The following SPAG16 variants were observed in gnomAD, a reference collection of about 807,000 sequenced individuals.
The protein encoded by SPAG16 is sperm-associated antigen 16 protein.
A neutral mutation model predicts 80.4 loss-of-function variants in SPAG16; 86 were observed. The observed-to-expected ratio is 1.07, with a 90% confidence interval of 0.90 to 1.28. SPAG16 has a LOEUF of 1.28. SPAG16 is among the 50% of genes most tolerant of loss of function. SPAG16 has a pLI of 0.00. For synonymous variants in SPAG16, 294 were observed against 265.9 expected (o/e 1.11, Z -1.03); for missense variants, 870 against 765.3 (o/e 1.14, Z -1.61).
At chr2:214,343,149 T>C (rs1197425936) in intron 15 of SPAG16, among the ~76,000 whole-genome samples, 1 of 152,138 alleles carries the variant, frequency 6.6e-6, no homozygotes, top group Non-Finnish European at 1.5e-5. Flanking sequence ...AAATTTAGGG[T>C]ACTACCAAAC....
At chr2:213,697,218 G>A (rs1344933423) in intron 10 of SPAG16, among the ~76,000 whole-genome samples, 1 of 152,108 alleles carries the variant, frequency 6.6e-6, no homozygotes, top group Non-Finnish European at 1.5e-5. Context: ...GGGAAGAGTG[G>A]GTGGAAAAGA....
At chr2:213,830,166 C>T (rs866074645) in intron 10 of SPAG16, among the ~76,000 whole-genome samples, 1 of 152,134 alleles carries the variant, frequency 6.6e-6, no homozygotes, top group Non-Finnish European at 1.5e-5. Flanking sequence ...CAAGGCTTGC[C>T]GAAACTGAAG....
At chr2:213,386,908 G>A (rs2067458529) in intron 9 of SPAG16, among the ~76,000 whole-genome samples, 1 of 152,094 alleles carries the variant, frequency 6.6e-6, no homozygotes. Context: ...GGAAATAAGA[G>A]CCATTATGCA....
At chr2:213,653,316 T>C (rs2063094628) in intron 10 of SPAG16, among the ~76,000 whole-genome samples, 1 of 152,202 alleles carries the variant, frequency 6.6e-6, no homozygotes, top group African/African-American at 2.4e-5. Context: ...TTCAGTAGTC[T>C]CAATATAAGC....
intron 13 of SPAG16, among the ~76,000 whole-genome samples, chr2:214,054,000 T>C (rs952784001): frequency 6.6e-5 from 10 of 151,372 alleles, no homozygotes; most frequent in Non-Finnish European, 1.0e-4. Flanking sequence ...CCCCACTCCC[T>C]TTTTTTTTAA....
At position 213,724,692 on chromosome 2, in the gene SPAG16, T is replaced by C. The variant is rs916465829; in HGVS notation, c.1071-137793T>C. Among the ~76,000 whole-genome samples the C allele has an allele frequency of 2.1e-5, 3 of 140,710 alleles. No homozygotes were observed. The Admixed American group carries it at 2.5e-4, about 12-fold the overall frequency. 92.3% of individuals were successfully genotyped at this position (140,710 alleles called of 152,430 possible). A position where few individuals can be genotyped will look rare whatever the true frequency, so the allele number is the denominator to read the frequency against. Reference sequence around the variant, plus strand: ...ACTTGGGAGGCTGAGGCAGGAGAATTGCTTGAACTCGGCAATGGAGGTTGC... The same window carrying C: ...ACTTGGGAGGCTGAGGCAGGAGAATCGCTTGAACTCGGCAATGGAGGTTGC... On this transcript the variant is annotated intron_variant, in intron 10 of 15. Transcript: ENST00000331683.
rs548626556 is a variant in SPAG16, at chr2:213,393,509, T to C, written c.942+18390T>C. On this transcript the variant is annotated intron_variant, in intron 9 of 15. Transcript: ENST00000331683. Reference sequence around the variant, plus strand: ...TTGCTGTAGGTGGCTCTAGGTCATTTCACAATATTTACTTTTTTGTATTAT... The same window carrying C: ...TTGCTGTAGGTGGCTCTAGGTCATTCCACAATATTTACTTTTTTGTATTAT... Among the ~76,000 whole-genome samples the C allele has an allele frequency of 3.9e-5, 6 of 152,220 alleles. No individual in the cohort carries two copies. The South Asian group carries it at 1.2e-3, about 32-fold the overall frequency.
intron 10 of SPAG16, among the ~76,000 whole-genome samples, chr2:213,597,787 A>G (rs775381440): frequency 4.6e-5 from 7 of 152,178 alleles, no homozygotes; most frequent in Non-Finnish European, 7.4e-5. Context: ...AACTTCTCTG[A>G]CATATTTTAA....
intron 4 of SPAG16, among the ~76,000 whole-genome samples, chr2:213,315,625 A>G (rs1404921520): frequency 6.6e-6 from 1 of 151,766 alleles, no homozygotes; most frequent in Non-Finnish European, 1.5e-5. Context: ...GTTTGTTGCC[A>G]CTTCCTCATT....
intron 10 of SPAG16, among the ~76,000 whole-genome samples, chr2:213,744,088 A>G (rs543953977): frequency 6.6e-5 from 10 of 152,228 alleles, no homozygotes; most frequent in African/African-American, 2.4e-4. Flanking sequence ...CAGAGGATTT[A>G]CTTTTGCTAC....
intron 15 of SPAG16, among the ~76,000 whole-genome samples, chr2:214,234,607 T>C (rs1259016241): frequency 6.6e-6 from 1 of 152,172 alleles, no homozygotes; most frequent in African/African-American, 2.4e-5. Flanking sequence ...TCATATATCA[T>C]TGTAGTTTTC....
At chr2:213,930,305 T>A (rs1575581825) in intron 12 of SPAG16, among the ~76,000 whole-genome samples, 160 bp downstream of exon 12, 1 of 152,190 alleles carries the variant, frequency 6.6e-6, no homozygotes, top group African/African-American at 2.4e-5. Context: ...ATAATCTTTG[T>A]GAAATCCATT....
intron 15 of SPAG16, among the ~76,000 whole-genome samples, chr2:214,177,151 G>T: frequency 6.6e-6 from 1 of 150,706 alleles, no homozygotes; most frequent in East Asian, 1.9e-4. Flanking sequence ...CATTTTTCTT[G>T]CCAATGGATA....
chr2:213,508,592 A>T (rs2075073120), intron 10 of SPAG16, among the ~76,000 whole-genome samples: 1 of 152,206 alleles, frequency 6.6e-6, no homozygotes, highest in South Asian at 2.1e-4. Context: ...AGAAAAAAAA[A>T]AATGATGAGT....
chr2:213,919,585 A>G (rs2078117108), intron 11 of SPAG16, among the ~76,000 whole-genome samples: 1 of 152,116 alleles, frequency 6.6e-6, no homozygotes, highest in South Asian at 2.1e-4. Flanking sequence ...TTCAATTTCC[A>G]TGTAATTGTA....
intron 15 of SPAG16, among the ~76,000 whole-genome samples, chr2:214,355,336 AAC>A (rs1187074098): frequency 8.5e-5 from 11 of 129,976 alleles, no homozygotes; most frequent in Non-Finnish European, 1.7e-4. Context: ...AAAAAAAAAA[AAC>A]AACCCCATCA....
chr2:214,092,771 A>G (rs2052309157), intron 13 of SPAG16, among the ~76,000 whole-genome samples: 1 of 152,010 alleles, frequency 6.6e-6, no homozygotes, highest in East Asian at 1.9e-4. Flanking sequence ...GTTTACCAGT[A>G]GGGTCCGTGT....
chr2:213,718,127 A>G (rs1171004005), intron 10 of SPAG16, among the ~76,000 whole-genome samples: 2 of 147,702 alleles, frequency 1.4e-5, no homozygotes, highest in African/African-American at 5.0e-5. Context: ...TCCAGAATCT[A>G]CAAAGAACTT....
At chr2:213,982,611 GT>G in intron 12 of SPAG16, among the ~76,000 whole-genome samples, 1 of 2,366 alleles carries the variant, frequency 4.2e-4, no homozygotes, top group East Asian at 0.17. Flanking sequence ...ATAGTTTCTG[GT>G]GTGTGTGTGT....
Sources: gnomAD v4.1 joint callset for allele counts (sites outside exome capture counted in the v4.1 genomes callset) on GRCh38, gnomAD v4.1.1 for gene constraint, MANE v1.5 for transcripts, NCBI Gene and HGNC (gene_info 2026-07-23, HGNC 2026-07-21) for gene names.